Variants in CTNNA2 observed in about 807,000 individuals in gnomAD.
CTNNA2 encodes the protein catenin alpha-2.
A neutral mutation model predicts 101.0 loss-of-function variants in CTNNA2; 42 were observed. The observed-to-expected ratio is 0.42, with a 90% CI of 0.32 to 0.54. CTNNA2 has a LOEUF of 0.54. Ranked by LOEUF, CTNNA2 falls within the 20% of genes least tolerant of loss-of-function variation. The probability of loss-of-function intolerance (pLI) is 0.14; values close to 1 mark genes in which losing one functional copy is unlikely to be tolerated. For missense variants in CTNNA2, 871 were observed against 1,223.1 expected (o/e 0.71, Z 4.29); for synonymous variants, 450 against 456.4 (o/e 0.99, Z 0.18).
chr2:80,468,326 T>C (rs1287078229), intron 9 of CTNNA2, among the ~76,000 whole-genome samples: 1 of 152,244 alleles, frequency 6.6e-6, no homozygotes, highest in African/African-American at 2.4e-5. Context: ...TTATTTATGT[T>C]TATAAACGTG....
intron 4 of CTNNA2, among the ~76,000 whole-genome samples, chr2:79,400,875 G>A (rs1376495537): frequency 6.6e-6 from 1 of 151,832 alleles, no homozygotes; most frequent in Non-Finnish European, 1.5e-5. Flanking sequence ...GAAAAATAAA[G>A]ACCCTTGAAA....
chr2:79,198,597 A>G (rs1385554254), intron 2 of CTNNA2, among the ~76,000 whole-genome samples: 1 of 152,224 alleles, frequency 6.6e-6, no homozygotes, highest in Non-Finnish European at 1.5e-5. Flanking sequence ...TATTCTTAAG[A>G]GATATTCCCA....
chr2:79,998,412 G>A (rs1005335568), intron 7 of CTNNA2, among the ~76,000 whole-genome samples: 1 of 152,080 alleles, frequency 6.6e-6, no homozygotes, highest in African/African-American at 2.4e-5. Flanking sequence ...TTATCTAGTT[G>A]GGATGAGAAG....
chr2:80,428,156 A>G (rs1453242753), intron 9 of CTNNA2, among the ~76,000 whole-genome samples: 2 of 152,202 alleles, frequency 1.3e-5, no homozygotes, highest in Non-Finnish European at 2.9e-5. Context: ...CAAGTTTGGT[A>G]GAAAACAAAG....
At chr2:79,678,613 C>G (rs929538995) in intron 2 of CTNNA2, among the ~76,000 whole-genome samples, 1 of 152,036 alleles carries the variant, frequency 6.6e-6, no homozygotes, top group Admixed American at 6.5e-5. Flanking sequence ...AGGCTGTGTC[C>G]CTGTCTGAGT....
At chr2:80,242,877 G>A (rs1671047529) in intron 7 of CTNNA2, among the ~76,000 whole-genome samples, 1 of 152,160 alleles carries the variant, frequency 6.6e-6, no homozygotes, top group Admixed American at 6.6e-5. Context: ...TAGCTATGCT[G>A]CCACCAGGGT....
At chr2:80,042,375 A>G (rs1395320668) in intron 7 of CTNNA2, among the ~76,000 whole-genome samples, 2 of 152,200 alleles carry the variant, frequency 1.3e-5, no homozygotes, top group African/African-American at 2.4e-5. Flanking sequence ...AAACTAGCTA[A>G]ATGAATGCTG....
At chr2:79,665,487 C>T (rs1217271496) in intron 2 of CTNNA2, among the ~76,000 whole-genome samples, 2 of 152,116 alleles carry the variant, frequency 1.3e-5, no homozygotes, top group Non-Finnish European at 2.9e-5. Flanking sequence ...AGAATGATTT[C>T]TTTGCTGACA....
chr2:80,629,921 C>G (rs965750593), intron 18 of CTNNA2, among the ~76,000 whole-genome samples: 2 of 152,156 alleles, frequency 1.3e-5, no homozygotes, highest in African/African-American at 4.8e-5. Flanking sequence ...TTAAATGGAG[C>G]CTTTCAAGTC....
chr2:80,061,606 C>A (rs2104380603), intron 7 of CTNNA2, among the ~76,000 whole-genome samples: 1 of 152,284 alleles, frequency 6.6e-6, no homozygotes, highest in East Asian at 1.9e-4. Flanking sequence ...TGCTATGTTC[C>A]AATCATATCT....
At chr2:80,114,424 A>T (rs1041245307) in intron 7 of CTNNA2, among the ~76,000 whole-genome samples, 11 of 152,236 alleles carry the variant, frequency 7.2e-5, no homozygotes, top group Non-Finnish European at 1.5e-4. Flanking sequence ...TTTTATTTGC[A>T]GATGGTAGAT....
intron 1 of CTNNA2, among the ~76,000 whole-genome samples, chr2:79,598,867 TATC>T (rs1677366797): frequency 6.6e-6 from 1 of 152,236 alleles, no homozygotes; most frequent in Admixed American, 6.5e-5. Context: ...GTATCTAAAA[TATC>T]ATTGTCATGC....
chr2:79,313,850 A>G (rs1370626469), intron 3 of CTNNA2, among the ~76,000 whole-genome samples: 2 of 152,110 alleles, frequency 1.3e-5, no homozygotes, highest in African/African-American at 4.8e-5. Flanking sequence ...GGAGAAGTGC[A>G]CAAAGAGAAA....
intron 2 of CTNNA2, among the ~76,000 whole-genome samples, chr2:79,209,618 C>A (rs1266560723): frequency 6.6e-6 from 1 of 152,140 alleles, no homozygotes; most frequent in Non-Finnish European, 1.5e-5. Flanking sequence ...CACTGTTAAA[C>A]AATACTGGGA....
chr2:79,437,084 A>C (rs1678724487), intron 4 of CTNNA2, among the ~76,000 whole-genome samples: 1 of 152,026 alleles, frequency 6.6e-6, no homozygotes. Context: ...AAATACAAAA[A>C]TTAGCCGGGT....
chr2:80,283,039 G>A (rs926319512), intron 7 of CTNNA2, among the ~76,000 whole-genome samples: 1 of 152,058 alleles, frequency 6.6e-6, no homozygotes, highest in African/African-American at 2.4e-5. Flanking sequence ...TTAAATTAAA[G>A]AAGGCAGAAT....
intron 7 of CTNNA2, among the ~76,000 whole-genome samples, chr2:80,327,705 T>C (rs1670936821): frequency 6.6e-6 from 1 of 152,206 alleles, no homozygotes; most frequent in Non-Finnish European, 1.5e-5. Context: ...GGGAGCTTAC[T>C]TCAAACCCAC....
intron 7 of CTNNA2, among the ~76,000 whole-genome samples, chr2:80,091,525 G>A (rs1431878608): frequency 6.6e-6 from 1 of 152,034 alleles, no homozygotes. Context: ...TGGGGATTTG[G>A]GCTAGAGCCA....
At chr2:80,053,966 T>C in intron 7 of CTNNA2, among the ~76,000 whole-genome samples, 1 of 152,266 alleles carries the variant, frequency 6.6e-6, no homozygotes, top group South Asian at 2.1e-4. Flanking sequence ...TCATTTTGTT[T>C]ACAAGTATTC....
Sources: gnomAD v4.1 joint callset for allele counts (sites outside exome capture counted in the v4.1 genomes callset) on GRCh38, gnomAD v4.1.1 for gene constraint, MANE v1.5 for transcripts, NCBI Gene and HGNC (gene_info 2026-07-23, HGNC 2026-07-21) for gene names.